The following TENM2 variants were observed in gnomAD, a reference collection of about 807,000 sequenced individuals.
TENM2 encodes teneurin transmembrane protein 2, also known as teneurin-2.
Under a neutral mutation model 245.2 loss-of-function variants are expected in TENM2, and 52 were observed. The observed-to-expected ratio is 0.21, with a 90% confidence interval of 0.17 to 0.27. The LOEUF (loss-of-function observed/expected upper bound fraction) is 0.27. TENM2 is among the 10% of genes least tolerant of loss of function. The pLI is 1.00. For synonymous variants in TENM2, 1,363 were observed against 1,438.9 expected (o/e 0.95, Z 1.19); for missense variants, 3,046 against 3,666.8 (o/e 0.83, Z 4.37).
At chr5:167,263,015 C>A in the TENM2 span, among the ~76,000 whole-genome samples, 1 of 152,152 alleles carries the variant, frequency 6.6e-6, no homozygotes, top group Non-Finnish European at 1.5e-5. Context: ...GCCTCTTTCA[C>A]AAGGACAACA....
intron 2 of TENM2, among the ~76,000 whole-genome samples, chr5:167,498,671 C>T (rs1768971405): frequency 6.6e-6 from 1 of 152,016 alleles, no homozygotes; most frequent in Non-Finnish European, 1.5e-5. Context: ...GCCCCCACCC[C>T]GTGCGGCATC....
At chr5:167,899,163 AAG>A (rs1323126871) in intron 3 of TENM2, among the ~76,000 whole-genome samples, 1 of 152,140 alleles carries the variant, frequency 6.6e-6, no homozygotes, top group Non-Finnish European at 1.5e-5. Flanking sequence ...AAAGAGGAGA[AAG>A]AGGACCGAAC....
At chr5:167,412,345 T>C (rs934190960) in intron 2 of TENM2, among the ~76,000 whole-genome samples, 7 of 151,988 alleles carry the variant, frequency 4.6e-5, no homozygotes, top group African/African-American at 1.7e-4. Flanking sequence ...TCGGCCCCAC[T>C]CCAGACCACC....
At chr5:167,267,668 T>C in the TENM2 span, among the ~76,000 whole-genome samples, 1 of 152,164 alleles carries the variant, frequency 6.6e-6, no homozygotes, top group Non-Finnish European at 1.5e-5. Flanking sequence ...AGACTTTCAT[T>C]TCCTTGAACC....
chr5:168,128,484 A>C (rs769665259), intron 12 of TENM2, among the ~76,000 whole-genome samples: 5 of 152,156 alleles, frequency 3.3e-5, no homozygotes, highest in Non-Finnish European at 5.9e-5. Context: ...GAGGTGGATA[A>C]TCCTACTTTC....
chr5:168,248,108 A>T, exon 27 of TENM2: 2 of 1,614,008 alleles, frequency 1.2e-6, no homozygotes, highest in Non-Finnish European at 1.7e-6. Flanking sequence ...AAACAGCTGC[A>T]GTACACGGCC....
At chr5:167,789,785 A>T (rs1764825034) in intron 2 of TENM2, among the ~76,000 whole-genome samples, 1 of 152,218 alleles carries the variant, frequency 6.6e-6, no homozygotes, top group Non-Finnish European at 1.5e-5. Flanking sequence ...GACTGCCTTA[A>T]TTCAAATCCT....
intron 3 of TENM2, among the ~76,000 whole-genome samples, chr5:167,939,794 C>A (rs962867252): frequency 6.6e-6 from 1 of 152,172 alleles, no homozygotes; most frequent in Non-Finnish European, 1.5e-5. Context: ...CTTTCTGTAT[C>A]GGCAACTACG....
intron 2 of TENM2, among the ~76,000 whole-genome samples, chr5:167,766,313 T>A (rs557655233): frequency 1.3e-5 from 2 of 152,266 alleles, no homozygotes; most frequent in Admixed American, 1.3e-4. Context: ...GCTAAGCATA[T>A]CTAGCACAAA....
chr5:167,702,567 T>TATATATAG (rs1714082243), intron 2 of TENM2, among the ~76,000 whole-genome samples: 1 of 147,732 alleles, frequency 6.8e-6, no homozygotes, highest in Admixed American at 6.8e-5. Flanking sequence ...TATATATATA[T>TATATATAG]ATATACATAT....
chr5:167,599,581 T>G (rs1482144490), intron 2 of TENM2, among the ~76,000 whole-genome samples: 1 of 152,170 alleles, frequency 6.6e-6, no homozygotes. Flanking sequence ...TGTTTTCTTG[T>G]TTTGAATCCC....
chr5:167,713,742 C>G (rs1759066435), intron 2 of TENM2, among the ~76,000 whole-genome samples: 1 of 152,206 alleles, frequency 6.6e-6, no homozygotes, highest in African/African-American at 2.4e-5. Flanking sequence ...ATGTACAACA[C>G]ACACTTATAC....
chr5:168,135,941 C>G (rs1330090918), intron 12 of TENM2, among the ~76,000 whole-genome samples: 1 of 152,098 alleles, frequency 6.6e-6, no homozygotes, highest in African/African-American at 2.4e-5. Context: ...GGTCTTTTCC[C>G]ATTGCTGTTA....
chr5:168,150,504 A>G (rs1480727332), intron 12 of TENM2, among the ~76,000 whole-genome samples: 2 of 152,228 alleles, frequency 1.3e-5, no homozygotes, highest in East Asian at 3.9e-4. Context: ...TCTCAGCTTT[A>G]GAAATCCCAT....
At chr5:166,989,756 T>C in the TENM2 span, among the ~76,000 whole-genome samples, 1 of 151,108 alleles carries the variant, frequency 6.6e-6, no homozygotes, top group Admixed American at 6.6e-5. Context: ...TCTTAGGGGA[T>C]GGATAGTAAG....
intron 10 of TENM2, 21 bp downstream of exon 12, chr5:168,118,507 G>T (rs778374281): frequency 2.7e-6 from 4 of 1,492,992 alleles, no homozygotes; most frequent in Non-Finnish European, 2.7e-6. Context: ...CGGCCCCGGG[G>T]CTAGGCAGCA....
chr5:167,684,349 C>T (rs1173677528), intron 2 of TENM2, among the ~76,000 whole-genome samples: 4 of 152,206 alleles, frequency 2.6e-5, no homozygotes, highest in Admixed American at 6.5e-5. Context: ...ATTCTGGAGA[C>T]TCTCAGTTCA....
chr5:167,218,221 G>A, the TENM2 span, among the ~76,000 whole-genome samples: 1 of 151,976 alleles, frequency 6.6e-6, no homozygotes. Flanking sequence ...ATGCTGCACT[G>A]CTTAGGCTGA....
the TENM2 span, among the ~76,000 whole-genome samples, chr5:167,217,365 A>G: frequency 6.6e-6 from 1 of 152,178 alleles, no homozygotes; most frequent in Non-Finnish European, 1.5e-5. Flanking sequence ...CTCAGTATTT[A>G]AAATATTATT....
Sources: allele counts gnomAD v4.1 joint callset (sites outside exome capture counted in the v4.1 genomes callset), GRCh38; gene constraint gnomAD v4.1.1; transcripts MANE v1.5; gene names NCBI Gene and HGNC (gene_info 2026-07-23, HGNC 2026-07-21).